Variants in DCPS observed in about 807,000 individuals in gnomAD.
DCPS encodes decapping enzyme, scavenger, also known as m7GpppX diphosphatase.
Under a neutral mutation model 34.7 loss-of-function variants are expected in DCPS, and 27 were observed. The ratio of observed to expected loss-of-function variants is 0.78; its 90% CI spans 0.57 to 1.07. DCPS has a LOEUF of 1.07. DCPS is among the 50% of genes least tolerant of loss of function. DCPS has a pLI of 0.00. For synonymous variants in DCPS, 185 were observed against 185.7 expected (o/e 1.00, Z 0.03); for missense variants, 464 against 436.9 (o/e 1.06, Z -0.55).
chr11:126,330,713 ATATATATTTTTTTTTTTTTTTTTTTTTTT>A (rs1177462016), intron 2 of DCPS, among the ~76,000 whole-genome samples: 4 of 24,136 alleles, frequency 1.7e-4, no homozygotes, highest in Non-Finnish European at 2.6e-4. Context: ...ATATATATAT[ATATATATTTTTTTTTTTTTTTTTTTTTTT>A]TTTTTTTTTT....
intron 2 of DCPS, among the ~76,000 whole-genome samples, chr11:126,309,495 T>C (rs1191885599): frequency 6.6e-6 from 1 of 152,222 alleles, no homozygotes; most frequent in African/African-American, 2.4e-5. Flanking sequence ...AAATAGTTAT[T>C]ATACCATGTT....
rs981092165 is a variant in DCPS at position 126,326,877 on chromosome 11, C to G, written c.377-4528C>G. Among the ~76,000 whole-genome samples the G allele has an allele frequency of 4.0e-5, 6 of 151,428 alleles. No homozygotes were observed. In the East Asian group the frequency reaches 7.8e-4, roughly 20 times the overall value. ...GGCGGAGCTTGCAGTGAGCCGAGATCACGCCACTGCACTCCAGCCTGGGCG... is the reference window on the plus strand; with the variant it reads ...GGCGGAGCTTGCAGTGAGCCGAGATGACGCCACTGCACTCCAGCCTGGGCG... On this transcript the variant is annotated intron_variant, in intron 2 of 5. Transcript: ENST00000263579.
intron 2 of DCPS, among the ~76,000 whole-genome samples, chr11:126,324,912 G>A (rs1023100471): frequency 1.3e-5 from 2 of 152,094 alleles, no homozygotes; most frequent in African/African-American, 4.8e-5. Flanking sequence ...GGCTGGGCAC[G>A]GTGGCTCACA....
Position 126,344,805 on chromosome 11 carries a change from G to T in DCPS, c.748-542G>T, listed in dbSNP as rs1951904648. On this transcript the variant is annotated intron_variant, in intron 5 of 5. Transcript: ENST00000263579. This position sits in a 1 kb window ranked among gnomAD's most constrained non-coding sequence, Gnocchi z 8.1. ...AGCCCGCTGAGACTTCGCCAGGTCT[G>T]TGTGGGAGCAGCCCCTCCCATACCC... is the stretch of plus-strand genomic sequence containing the variant. 6.6e-6 allele frequency among the ~76,000 whole-genome samples: 1 copy of T among 152,188 alleles called. No individual in the cohort carries two copies. Among genetic ancestry groups the T allele is most frequent in the Non-Finnish European group, 1.5e-5 (1 of 68,040 alleles).
At chr11:126,306,491 CCTGG>C (rs1490395657) in intron 1 of DCPS, 75 bp from the exon 2 acceptor site, 2 of 1,410,594 alleles carry the variant, frequency 1.4e-6, no homozygotes, top group Non-Finnish European at 1.9e-6. Context: ...ATTCAAAGGC[CCTGG>C]GAGCTTCTGT....
In DCPS at chr11:126,319,882, G is replaced by A. The variant is rs1263475894; in HGVS notation, c.377-11523G>A. On this transcript the variant is annotated intron_variant, in intron 2 of 5. Transcript: ENST00000263579. The surrounding 1 kb of genome is among the most constrained non-coding windows in gnomAD (Gnocchi z 4.5). Reference sequence around the variant, plus strand: ...CTTGGGCAAATTACTCAACATCTCTGGGGCTCAGTTTTAAGGGGTAGCTTC... The same window carrying A: ...CTTGGGCAAATTACTCAACATCTCTAGGGCTCAGTTTTAAGGGGTAGCTTC... Among the ~76,000 whole-genome samples, 2 of 152,208 alleles carry A rather than the reference G, an allele frequency of 1.3e-5. No individual in the cohort carries two copies. The highest frequency in any genetic ancestry group is 2.9e-5 in the Non-Finnish European group (2 of 68,022).
rs1344884603 is a variant in DCPS, at chr11:126,332,459, T to C, written c.522+909T>C. 6.6e-6 allele frequency among the ~76,000 whole-genome samples: 1 copy of C among 152,240 alleles called. No individual in the cohort carries two copies. Among genetic ancestry groups the C allele is most frequent in the Non-Finnish European group, 1.5e-5 (1 of 68,044 alleles). ...GTGCCTTGTCTTTATCACTCACCCT[T>C]GTTCTCTTCGAGCATTTCTCACTTT... On this transcript the variant is annotated intron_variant, in intron 3 of 5. Transcript: ENST00000263579. The surrounding 1 kb of genome is among the most constrained non-coding windows in gnomAD (Gnocchi z 5.4).
intron 4 of DCPS, among the ~76,000 whole-genome samples, chr11:126,340,601 T>C (rs927957013): frequency 6.6e-6 from 1 of 152,240 alleles, no homozygotes; most frequent in African/African-American, 2.4e-5. Flanking sequence ...AGCAGGAAGA[T>C]AGGCCATGCC....
Position 126,328,978 on chromosome 11 carries a change from A to G in DCPS, c.377-2427A>G, listed in dbSNP as rs963243007. Among the ~76,000 whole-genome samples the G allele has an allele frequency of 6.6e-6, 1 of 152,204 alleles. No homozygotes were observed. The highest frequency in any genetic ancestry group is 1.5e-5 in the Non-Finnish European group (1 of 68,036). On this transcript the variant is annotated intron_variant, in intron 2 of 5. Coordinates refer to ENST00000263579, the MANE Select transcript of DCPS (RefSeq NM_014026.6). The surrounding 1 kb of genome is among the most constrained non-coding windows in gnomAD (Gnocchi z 6.6). ...GTCACTAGCCTGAGGTTACGCCACT[A>G]ATAAGTGCAGAGCCAGGACTTGCAC...
At position 126,319,897 on chromosome 11, in the gene DCPS, G is replaced by A. The variant is rs916747905; in HGVS notation, c.377-11508G>A. ...CAACATCTCTGGGGCTCAGTTTTAAGGGGTAGCTTCCTTTTAACGTATTTG... is the reference window on the plus strand; with the variant it reads ...CAACATCTCTGGGGCTCAGTTTTAAAGGGTAGCTTCCTTTTAACGTATTTG... On this transcript the variant is annotated intron_variant, in intron 2 of 5. Coordinates refer to ENST00000263579, the MANE Select transcript of DCPS (RefSeq NM_014026.6). The surrounding 1 kb of genome is among the most constrained non-coding windows in gnomAD (Gnocchi z 4.5). Among the ~76,000 whole-genome samples, 1 of 152,122 alleles carries A rather than the reference G, an allele frequency of 6.6e-6. No homozygotes were observed. Among genetic ancestry groups the A allele is most frequent in the Non-Finnish European group, 1.5e-5 (1 of 68,030 alleles).
Position 126,345,725 on chromosome 11 carries a change from A to T in DCPS, c.*112A>T. 6.8e-7 allele frequency: 1 copy of T among 1,475,430 alleles called. No homozygotes were observed. Among genetic ancestry groups the T allele is most frequent in the Non-Finnish European group, 9.1e-7 (1 of 1,101,416 alleles). 91.4% of individuals were successfully genotyped at this position (1,475,430 alleles called of 1,614,324 possible). ...ATGTATTTTATACCGGCTTATTCCT[A>T]GTATTGAATAAACTAGCGGGCTCAC... On this transcript the variant is annotated 3_prime_UTR_variant, in exon 6 of 6. Coordinates refer to ENST00000263579, the MANE Select transcript of DCPS (RefSeq NM_014026.6). This position sits in a 1 kb window ranked among gnomAD's most constrained non-coding sequence, Gnocchi z 7.4.
intron 2 of DCPS, among the ~76,000 whole-genome samples, chr11:126,311,991 C>T (rs1349117964): frequency 2.6e-5 from 4 of 152,138 alleles, no homozygotes; most frequent in African/African-American, 9.7e-5. Context: ...AGTGCAATGG[C>T]GCGATATTGG....
Position 126,347,122 on chromosome 11 carries a change from G to T in DCPS, c.*1509G>T, listed in dbSNP as rs1235062359. On this transcript the variant is annotated 3_prime_UTR_variant, in exon 6 of 6. Transcript: ENST00000263579. The surrounding 1 kb of genome is among the most constrained non-coding windows in gnomAD (Gnocchi z 4.2). ...AATAGAAACAGCCGGGGAGTGGAGG[G>T]TGTGGTCAGAAAGCCTCAGGGACCT... Among the ~76,000 whole-genome samples the T allele has an allele frequency of 3.3e-5, 5 of 151,838 alleles. No homozygotes were observed. Among genetic ancestry groups the T allele is most frequent in the Non-Finnish European group, 5.9e-5 (4 of 67,994 alleles).
At chr11:126,317,202 A>G (rs1357421131) in intron 2 of DCPS, among the ~76,000 whole-genome samples, 1 of 147,938 alleles carries the variant, frequency 6.8e-6, no homozygotes, top group Non-Finnish European at 1.5e-5. Context: ...CTCGTGATCC[A>G]CCCTCCTCGG....
rs1338668543 is a variant in DCPS, at chr11:126,325,200, A to C, written c.377-6205A>C. Among the ~76,000 whole-genome samples, 1 of 44,220 alleles carries C rather than the reference A, an allele frequency of 2.3e-5. No individual in the cohort carries two copies. Among genetic ancestry groups the C allele is most frequent in the African/African-American group, 2.2e-4 (1 of 4,496 alleles). 29.0% of individuals were successfully genotyped at this position (44,220 alleles called of 152,430 possible). Reference sequence around the variant, plus strand: ...AGACTCAGTTTCGAAAAAAGAAAAAAAATTAAACAGTAAAAATGTAATGAC... The same window carrying C: ...AGACTCAGTTTCGAAAAAAGAAAAACAATTAAACAGTAAAAATGTAATGAC... On this transcript the variant is annotated intron_variant, in intron 2 of 5. Transcript: ENST00000263579. The surrounding 1 kb of genome is among the most constrained non-coding windows in gnomAD (Gnocchi z 4.3).
intron 1 of DCPS, among the ~76,000 whole-genome samples, chr11:126,306,364 C>A (rs918770629): frequency 1.3e-5 from 2 of 151,418 alleles, no homozygotes; most frequent in Non-Finnish European, 2.9e-5. Flanking sequence ...CAGAGCAACA[C>A]TCCATCTCAA....
chr11:126,321,643 C>A (rs1239331922), intron 2 of DCPS, among the ~76,000 whole-genome samples: 1 of 151,866 alleles, frequency 6.6e-6, no homozygotes, highest in African/African-American at 2.4e-5. Flanking sequence ...CAAGGGTGAG[C>A]AGACTCTAAA....
Position 126,315,925 on chromosome 11 carries a change from G to C in DCPS, c.376+9181G>C, listed in dbSNP as rs148524994. ...GACAGGGTTTCATCATGTTGGCCAG[G>C]CTATCTCAAACTCCTGACCTCAAGT... On this transcript the variant is annotated intron_variant, in intron 2 of 5. Transcript: ENST00000263579. This position sits in a 1 kb window ranked among gnomAD's most constrained non-coding sequence, Gnocchi z 6.1. Among the ~76,000 whole-genome samples the C allele has an allele frequency of 6.6e-6, 1 of 152,098 alleles. No individual in the cohort carries two copies. The highest frequency in any genetic ancestry group is 1.9e-4 in the East Asian group (1 of 5,172).
chr11:126,341,998 A>C (rs1232667101), intron 4 of DCPS: 3 of 152,260 alleles, frequency 2.0e-5, no homozygotes, highest in African/African-American at 7.2e-5. Flanking sequence ...TGAATTTTCA[A>C]TTTGAGGCCC....
Sources: allele counts gnomAD v4.1 joint callset (sites outside exome capture counted in the v4.1 genomes callset), GRCh38; gene constraint gnomAD v4.1.1; non-coding constraint Gnocchi (gnomAD v3.1); transcripts MANE v1.5; gene names NCBI Gene and HGNC (gene_info 2026-07-23, HGNC 2026-07-21).